NXN: variants seen among roughly 807,000 people sequenced by gnomAD.
The protein encoded by NXN is nucleoredoxin 1.
NXN carries 16 observed loss-of-function variants against 48.6 expected under a neutral mutation model. That is an observed-to-expected ratio of 0.33 (90% CI 0.22 to 0.50). The LOEUF (loss-of-function observed/expected upper bound fraction) is 0.50, where lower values mean the gene tolerates loss of function less well. Among genes scored for constraint, NXN ranks in the 20% least tolerant of loss-of-function variants. The pLI is 0.98. For synonymous variants in NXN, 281 were observed against 269.6 expected (o/e 1.04, Z -0.41); for missense variants, 492 against 605.5 (o/e 0.81, Z 1.97).
At chr17:901,422 A>G (rs1359724089) in intron 1 of NXN, among the ~76,000 whole-genome samples, 1 of 152,158 alleles carries the variant, frequency 6.6e-6, no homozygotes, top group Non-Finnish European at 1.5e-5. Flanking sequence ...CCTGGGAAAC[A>G]GCAGACCTGG....
chr17:920,646 T>C lies in NXN; in HGVS notation c.360+58673A>G, dbSNP rs576888453. On this transcript the variant is annotated intron_variant, in intron 1 of 7. Transcript: ENST00000336868. This position sits in a 1 kb window ranked among gnomAD's most constrained non-coding sequence, Gnocchi z 4.6. ...CTCACTGGCAGCACCCAGGACGTTC[T>C]CAATGAGGTCTTCATTCATACCGCC... 6.6e-6 allele frequency among the ~76,000 whole-genome samples: 1 copy of C among 151,856 alleles called. No individual in the cohort carries two copies. Among genetic ancestry groups the C allele is most frequent in the East Asian group, 1.9e-4 (1 of 5,158 alleles).
chr17:949,903 G>T (rs984799569), intron 1 of NXN, among the ~76,000 whole-genome samples: 2 of 151,634 alleles, frequency 1.3e-5, no homozygotes, highest in South Asian at 2.1e-4. Context: ...GGCACCTTCT[G>T]GTAACAGTCA....
chr17:882,748 AGCC>A (rs1239017474), intron 1 of NXN, among the ~76,000 whole-genome samples: 68 of 147,838 alleles, frequency 4.6e-4, no homozygotes, highest in Non-Finnish European at 4.0e-4. Context: ...TATAGGCGTT[AGCC>A]ACCGCACCCG....
At chr17:951,162 C>A in intron 1 of NXN, among the ~76,000 whole-genome samples, 2 of 117,936 alleles carry the variant, frequency 1.7e-5, no homozygotes, top group Admixed American at 1.0e-4. Flanking sequence ...CATGGTGAAA[C>A]CCTGTCTCTA....
chr17:882,460 GTTTGTTTTGT>G (rs140223930), intron 1 of NXN, among the ~76,000 whole-genome samples: 3 of 151,110 alleles, frequency 2.0e-5, no homozygotes, highest in Non-Finnish European at 3.0e-5. Context: ...GGTTTCTTTT[GTTTGTTTTGT>G]TTTGTTTTGT....
Position 956,188 on chromosome 17 carries a change from C to T in NXN, c.360+23131G>A, listed in dbSNP as rs945581156. 2.0e-5 allele frequency among the ~76,000 whole-genome samples: 3 copies of T among 152,148 alleles called. No individual in the cohort carries two copies. The highest frequency in any genetic ancestry group is 4.8e-5 in the African/African-American group (2 of 41,450). ...TCCAAACCTCTTCCCACCGGAATCC[C>T]GCCAAGCCTTCAACTCTCCATCCAA... On this transcript the variant is annotated intron_variant, in intron 1 of 7. Transcript: ENST00000336868. This position sits in a 1 kb window ranked among gnomAD's most constrained non-coding sequence, Gnocchi z 4.1.
intron 1 of NXN, among the ~76,000 whole-genome samples, chr17:880,391 A>G (rs1231723069): frequency 6.6e-6 from 1 of 152,134 alleles, no homozygotes; most frequent in Non-Finnish European, 1.5e-5. Context: ...AAAGGAGAAA[A>G]CGTCTTAATA....
chr17:914,788 C>T (rs183096320), intron 1 of NXN, among the ~76,000 whole-genome samples: 151 of 151,932 alleles, frequency 9.9e-4, no homozygotes, highest in East Asian at 5.8e-4. Context: ...GTAGAGGAGG[C>T]GGAGCTGGAT....
rs1006720864 is a variant in NXN, at chr17:809,909, C to G, written c.821-4662G>C. ...GTACGTTAAGAGTCCCTGTGAGTGC[C>G]GTGCACGTTAAGAGTCCGTGTGAGT... On this transcript the variant is annotated intron_variant, in intron 5 of 7. Coordinates refer to ENST00000336868, the MANE Select transcript of NXN (RefSeq NM_022463.5). Among the ~76,000 whole-genome samples the G allele has an allele frequency of 4.9e-5, 7 of 143,832 alleles. 2 individuals are homozygous for G. The highest frequency in any genetic ancestry group is 1.8e-4 in the African/African-American group (7 of 39,362). 94.4% of individuals were successfully genotyped at this position (143,832 alleles called of 152,430 possible).
rs1464587779 is a variant in NXN, at chr17:919,276, T to C, written c.360+60043A>G. Among the ~76,000 whole-genome samples, 4 of 151,840 alleles carry C rather than the reference T, an allele frequency of 2.6e-5. No individual in the cohort carries two copies. Among genetic ancestry groups the C allele is most frequent in the Non-Finnish European group, 4.4e-5 (3 of 67,972 alleles). ...TCCTTGGGAGGCTGAAGCAGGAGAA[T>C]AGCTTGAACTAGGGAGGCAGAGGTT... On this transcript the variant is annotated intron_variant, in intron 1 of 7. Transcript: ENST00000336868. This position sits in a 1 kb window ranked among gnomAD's most constrained non-coding sequence, Gnocchi z 5.1.
chr17:844,723 T>C (rs2067840859), intron 1 of NXN, among the ~76,000 whole-genome samples: 1 of 152,096 alleles, frequency 6.6e-6, no homozygotes, highest in African/African-American at 2.4e-5. Flanking sequence ...GAGCTGGGAT[T>C]ACAGGCACCT....
In NXN at chr17:859,461, G is replaced by T. The variant is rs113470351; in HGVS notation, c.361-33383C>A. On this transcript the variant is annotated intron_variant, in intron 1 of 7. Transcript: ENST00000336868. ...TAAAGAACAACAACAAATGTGAAAA[G>T]TTGACTTCCCCAAGACGTTTATTCA... Among the ~76,000 whole-genome samples the T allele has an allele frequency of 5.9e-5, 9 of 152,164 alleles. 1 individual carries two copies. The highest frequency in any genetic ancestry group is 1.9e-4 in the African/African-American group (8 of 41,516).
chr17:865,318 C>T (rs1278777887), intron 1 of NXN, among the ~76,000 whole-genome samples: 1 of 151,962 alleles, frequency 6.6e-6, no homozygotes, highest in Non-Finnish European at 1.5e-5. Context: ...TCTTGGCTCA[C>T]CGCAACCTCT....
chr17:816,250 G>C (rs1912465970), intron 5 of NXN, among the ~76,000 whole-genome samples: 1 of 152,128 alleles, frequency 6.6e-6, no homozygotes, highest in South Asian at 2.1e-4. Flanking sequence ...TGGGGACGAA[G>C]ACCTGAATCC....
chr17:926,545 G>GT (rs55805154), intron 1 of NXN, among the ~76,000 whole-genome samples: 36 of 126,942 alleles, frequency 2.8e-4, no homozygotes, highest in African/African-American at 3.6e-4. Flanking sequence ...TTTTTTTTTT[G>GT]TTTTTTTGTT....
At chr17:972,923 CG>C (rs1555522035) in intron 1 of NXN, among the ~76,000 whole-genome samples, 2 of 150,902 alleles carry the variant, frequency 1.3e-5, no homozygotes, top group Non-Finnish European at 2.9e-5. Context: ...CCCAGCTACT[CG>C]GGAGGCTGAG....
At chr17:901,651 T>C (rs1281126880) in intron 1 of NXN, among the ~76,000 whole-genome samples, 1 of 152,222 alleles carries the variant, frequency 6.6e-6, no homozygotes, top group Non-Finnish European at 1.5e-5. Flanking sequence ...TTTTGTCCCA[T>C]AAACACTCAG....
At chr17:832,942 G>C (rs1597642284) in intron 1 of NXN, among the ~76,000 whole-genome samples, 1 of 152,148 alleles carries the variant, frequency 6.6e-6, no homozygotes, top group East Asian at 1.9e-4. Flanking sequence ...CCAGGCTGGA[G>C]TGCAGTGGCG....
chr17:963,657 G>A (rs913404687), intron 1 of NXN, among the ~76,000 whole-genome samples: 7 of 151,910 alleles, frequency 4.6e-5, no homozygotes, highest in South Asian at 2.1e-4. Context: ...ATTGATTTGC[G>A]CAAAAAACCA....
Sources: allele counts gnomAD v4.1 joint callset (sites outside exome capture counted in the v4.1 genomes callset), GRCh38; gene constraint gnomAD v4.1.1; non-coding constraint Gnocchi (gnomAD v3.1); transcripts MANE v1.5; gene names NCBI Gene and HGNC (gene_info 2026-07-23, HGNC 2026-07-21).